Variants in HYKK observed in about 807,000 individuals in gnomAD.
HYKK encodes the protein hydroxylysine kinase.
In HYKK, 19 loss-of-function variants were observed where a neutral mutation model predicts 29.7. The observed-to-expected ratio is 0.64, with a 90% CI of 0.45 to 0.94. HYKK has a LOEUF of 0.94. Ranked by LOEUF, HYKK falls within the 40% of genes least tolerant of loss-of-function variation. The probability of loss-of-function intolerance (pLI) is 0.00; values close to 1 mark genes in which losing one functional copy is unlikely to be tolerated. For missense variants in HYKK, 390 were observed against 443.4 expected (o/e 0.88, Z 1.08); for synonymous variants, 152 against 158.1 (o/e 0.96, Z 0.29).
rs1397347673 is a variant in HYKK, at chr15:78,536,530, G to A, written c.*2860G>A. The stretch of plus-strand genomic sequence containing the variant: ...TCCTCTGAATTGATGAAACTGTATA[G>A]ATTTCCCTCTTGATTGCCCCTGCTA... On this transcript the variant is annotated 3_prime_UTR_variant, in exon 5 of 5. Coordinates refer to ENST00000388988, the MANE Select transcript of HYKK (RefSeq NM_001013619.4). The A allele has an allele frequency of 6.6e-6, 1 of 152,120 alleles. No homozygotes were observed. The highest frequency in any genetic ancestry group is 1.5e-5 in the Non-Finnish European group (1 of 68,030). 9.4% of individuals were successfully genotyped at this position (152,120 alleles called of 1,614,324 possible).
chr15:78,530,950 A>G (rs1405765741), intron 4 of HYKK, among the ~76,000 whole-genome samples: 1 of 151,950 alleles, frequency 6.6e-6, no homozygotes, highest in African/African-American at 2.4e-5. Context: ...GCTCACTGCA[A>G]CCTCTGCCTC....
intron 4 of HYKK, among the ~76,000 whole-genome samples, chr15:78,530,269 C>T (rs2052298576): frequency 6.6e-6 from 1 of 151,064 alleles, no homozygotes; most frequent in Non-Finnish European, 1.5e-5. Context: ...GGTGCAATCT[C>T]AGCTCACTGC....
intron 2 of HYKK, among the ~76,000 whole-genome samples, chr15:78,513,695 C>G (rs2052098779): frequency 6.6e-6 from 1 of 152,180 alleles, no homozygotes; most frequent in South Asian, 2.1e-4. Flanking sequence ...AAGGCCCTGA[C>G]AGATAGTAAC....
rs1013632901 is a variant in HYKK at position 78,533,864 on chromosome 15, G to C, written c.*194G>C. On this transcript the variant is annotated 3_prime_UTR_variant, in exon 5 of 5. Coordinates refer to ENST00000388988, the MANE Select transcript of HYKK (RefSeq NM_001013619.4). ...TGACAATTTTTTAAAATTCACAAAA[G>C]TACCACAAGCAAGCATATTTTTCTG... The C allele has an allele frequency of 3.5e-6, 2 of 574,576 alleles. No individual in the cohort carries two copies. Among genetic ancestry groups the C allele is most frequent in the Non-Finnish European group, 6.1e-6 (2 of 326,424 alleles). The allele number at this position is 574,576 out of a possible 1,614,324, so 35.6% of individuals were successfully genotyped here.
chr15:78,537,054 C>T (rs1476010039), downstream of HYKK, among the ~76,000 whole-genome samples: 1 of 152,208 alleles, frequency 6.6e-6, no homozygotes, highest in Non-Finnish European at 1.5e-5. Flanking sequence ...CAGCCTCAGA[C>T]TGAGTTACAC....
At chr15:78,508,481 A>C (rs887627280) in intron 1 of HYKK, among the ~76,000 whole-genome samples, 1 of 152,158 alleles carries the variant, frequency 6.6e-6, no homozygotes, top group East Asian at 1.9e-4. Context: ...TATACTTTGC[A>C]CAAAGTACAG....
Position 78,513,288 on chromosome 15 carries a change from G to A in HYKK, c.200G>A (p.Ser67Asn), listed in dbSNP as rs753302228. 1 of 1,614,158 alleles carries A rather than the reference G, an allele frequency of 6.2e-7. No individual in the cohort carries two copies. Among genetic ancestry groups the A allele is most frequent in the Admixed American group, 1.7e-5 (1 of 60,016 alleles). ...DGPTEYVLKI[S>N]NTKASKNPDL... Reference sequence around the variant, plus strand: ...CCAACTGAATATGTCCTCAAAATAAGCAACACCAAGGCTAGCAAAAATCCA... The same window carrying A: ...CCAACTGAATATGTCCTCAAAATAAACAACACCAAGGCTAGCAAAAATCCA... Residue 67 changes from serine to asparagine, a missense_variant, in exon 2 of 5, where the codon AGC becomes AAC. Ser to Asn is a conservative substitution (Grantham distance 46). Transcript: ENST00000388988.
At chr15:78,519,513 G>A (rs367636524) in intron 3 of HYKK, among the ~76,000 whole-genome samples, 17 of 152,022 alleles carry the variant, frequency 1.1e-4, no homozygotes, top group Admixed American at 2.0e-4. Context: ...TAATCCCAGC[G>A]CTTTGAGAGG....
At chr15:78,520,552 G>T (rs1005019126) in intron 3 of HYKK, among the ~76,000 whole-genome samples, 5 of 152,122 alleles carry the variant, frequency 3.3e-5, no homozygotes, top group Non-Finnish European at 7.4e-5. Context: ...CACAGGGTTG[G>T]GGGTAAGGTC....
chr15:78,521,153 TGGTC>T (rs1187739236), intron 3 of HYKK, among the ~76,000 whole-genome samples: 3 of 152,138 alleles, frequency 2.0e-5, no homozygotes, highest in Non-Finnish European at 2.9e-5. Context: ...TTCCAGCAGT[TGGTC>T]AGGTAGGCCT....
At chr15:78,520,285 G>T (rs922312075) in intron 3 of HYKK, among the ~76,000 whole-genome samples, 5 of 151,728 alleles carry the variant, frequency 3.3e-5, no homozygotes, top group African/African-American at 1.2e-4. Context: ...GTTTCTCGCA[G>T]AGGGGGATTT....
intron 4 of HYKK, among the ~76,000 whole-genome samples, chr15:78,532,572 A>G (rs1354013029): frequency 6.6e-6 from 1 of 152,162 alleles, no homozygotes; most frequent in Admixed American, 6.6e-5. Flanking sequence ...AGGTGGGTAG[A>G]TCATTTGAGG....
intron 3 of HYKK, among the ~76,000 whole-genome samples, chr15:78,522,345 C>A (rs1208162389): frequency 6.6e-6 from 1 of 151,970 alleles, no homozygotes; most frequent in Non-Finnish European, 1.5e-5. Context: ...AGAGAAGACT[C>A]CGGTTCGAGA....
At position 78,535,033 on chromosome 15, in the gene HYKK, G is replaced by C. The variant is rs1279841246; in HGVS notation, c.*1363G>C. On this transcript the variant is annotated 3_prime_UTR_variant, in exon 5 of 5. Coordinates refer to ENST00000388988, the MANE Select transcript of HYKK (RefSeq NM_001013619.4). ...GTCATGTCTCCTTTAGTATGATTTAGTAAATGGCTGTTTACTATTCTTATG... is the reference window on the plus strand; with the variant it reads ...GTCATGTCTCCTTTAGTATGATTTACTAAATGGCTGTTTACTATTCTTATG... 2.0e-4 allele frequency: 30 copies of C among 151,948 alleles called. No individual in the cohort carries two copies. Among genetic ancestry groups the C allele is most frequent in the Admixed American group, 2.0e-3 (30 of 15,240 alleles). 9.4% of individuals were successfully genotyped at this position (151,948 alleles called of 1,614,324 possible).
chr15:78,523,267 A>G (rs1374926636), intron 3 of HYKK, among the ~76,000 whole-genome samples: 2 of 152,208 alleles, frequency 1.3e-5, no homozygotes, highest in African/African-American at 4.8e-5. Flanking sequence ...CGGAAGGCAA[A>G]GTGGGAGCAG....
At chr15:78,523,170 G>A (rs1301525285) in intron 3 of HYKK, among the ~76,000 whole-genome samples, 1 of 152,168 alleles carries the variant, frequency 6.6e-6, no homozygotes, top group Non-Finnish European at 1.5e-5. Flanking sequence ...AAGAAAATGG[G>A]TTTAATTGGC....
intron 1 of HYKK, among the ~76,000 whole-genome samples, chr15:78,508,030 C>CTCCCTCTTTTCCTGCCTCTTGGT (rs2052031929): frequency 6.6e-6 from 1 of 152,216 alleles, no homozygotes; most frequent in Admixed American, 6.5e-5. Flanking sequence ...ACCTCACTTA[C>CTCCCTCTTTTCCTGCCTCTTGGT]TCATGCGCCC....
chr15:78,514,491 G>A (rs1394952456), intron 2 of HYKK, among the ~76,000 whole-genome samples: 1 of 152,104 alleles, frequency 6.6e-6, no homozygotes, highest in East Asian at 1.9e-4. Context: ...GAGGCCCATT[G>A]TGGTCCCTGA....
At chr15:78,509,420 A>C (rs2052049008) in intron 1 of HYKK, among the ~76,000 whole-genome samples, 1 of 152,222 alleles carries the variant, frequency 6.6e-6, no homozygotes, top group Non-Finnish European at 1.5e-5. Flanking sequence ...ACCTTGCTTT[A>C]CATGGCTATG....
Sources: allele counts gnomAD v4.1 joint callset (sites outside exome capture counted in the v4.1 genomes callset), GRCh38; gene constraint gnomAD v4.1.1; transcripts MANE v1.5; gene names NCBI Gene and HGNC (gene_info 2026-07-23, HGNC 2026-07-21).